DOCK8: variants seen among roughly 807,000 people sequenced by gnomAD.
The protein encoded by DOCK8 is dedicator of cytokinesis protein 8.
Under a neutral mutation model 245.6 loss-of-function variants are expected in DOCK8, and 141 were observed. That is an observed-to-expected ratio of 0.57 (90% CI 0.50 to 0.66). DOCK8 has a LOEUF of 0.66. DOCK8 is among the 30% of genes least tolerant of loss of function. The pLI is 0.00. For synonymous variants in DOCK8, 1,168 were observed against 970.2 expected, an observed-to-expected ratio of 1.20 and a Z score of -3.79; for missense variants, 2,965 against 2,603.4, an observed-to-expected ratio of 1.14 and a Z score of -3.02.
chr9:322,498 T>C (rs1219286921), intron 7 of DOCK8, among the ~76,000 whole-genome samples: 1 of 149,320 alleles, frequency 6.7e-6, no homozygotes, highest in Admixed American at 6.6e-5. Context: ...CTGTGTAGAC[T>C]TTGGCAAGTT....
At chr9:421,226 G>T (rs528220101) in intron 32 of DOCK8, 148 bp downstream of exon 32, 1 of 1,109,308 alleles carries the variant, frequency 9.0e-7, no homozygotes, top group Admixed American at 2.0e-5. Context: ...GAGTCTGTGT[G>T]TGACATTTGT....
chr9:378,837 C>T (rs1468588379), intron 20 of DOCK8, among the ~76,000 whole-genome samples: 1 of 152,202 alleles, frequency 6.6e-6, no homozygotes, highest in Non-Finnish European at 1.5e-5. Flanking sequence ...AGTGGGGGCA[C>T]AAAAGATGTG....
chr9:331,990 G>A (rs1378567059), intron 9 of DOCK8, among the ~76,000 whole-genome samples: 2 of 152,172 alleles, frequency 1.3e-5, no homozygotes, highest in African/African-American at 4.8e-5. Context: ...TAAAGAAAAT[G>A]AGTTTTCCAC....
chr9:267,380 A>AT (rs1487077975), intron 1 of DOCK8, among the ~76,000 whole-genome samples: 9 of 151,974 alleles, frequency 5.9e-5, no homozygotes, highest in Non-Finnish European at 8.8e-5. Context: ...TAATTTTTGT[A>AT]TTTTTTGTAG....
At chr9:450,459 T>A (rs1259548638) in intron 45 of DOCK8, among the ~76,000 whole-genome samples, 1 of 152,136 alleles carries the variant, frequency 6.6e-6, no homozygotes, top group Non-Finnish European at 1.5e-5. Flanking sequence ...CTATCAGACT[T>A]CTTAGAACGC....
At chr9:419,009 T>C (rs1280748165) in intron 30 of DOCK8, among the ~76,000 whole-genome samples, 1 of 152,290 alleles carries the variant, frequency 6.6e-6, no homozygotes, top group African/African-American at 2.4e-5. Flanking sequence ...TTGCATGGAC[T>C]CTGTGGGCTC....
intron 24 of DOCK8, among the ~76,000 whole-genome samples, chr9:394,321 T>C (rs2054341804): frequency 6.6e-6 from 1 of 152,164 alleles, no homozygotes; most frequent in Non-Finnish European, 1.5e-5. Flanking sequence ...AGCCAGAACT[T>C]TGCAAGGAAA....
intron 5 of DOCK8, among the ~76,000 whole-genome samples, chr9:310,138 G>T (rs781485227): frequency 2.6e-4 from 40 of 152,030 alleles, no homozygotes; most frequent in African/African-American, 9.4e-4. Context: ...GTGGTGGCGC[G>T]TGCCTGTAAT....
rs149873367 is a variant in DOCK8 at position 228,590 on chromosome 9, C to T, written c.53+13561C>T. 1.1e-3 allele frequency among the ~76,000 whole-genome samples: 161 copies of T among 152,238 alleles called. 1 individual carries two copies. Among genetic ancestry groups the T allele is most frequent in the African/African-American group, 3.6e-3 (151 of 41,538 alleles). On this transcript the variant is annotated intron_variant, in intron 1 of 47. Transcript: ENST00000432829. ...GCCTCCCCAACATTTTTCAGGGGAG[C>T]ATGGCCCTACTCGCACTTTGAGTTC...
intron 6 of DOCK8, among the ~76,000 whole-genome samples, chr9:316,109 A>G (rs1194733693): frequency 6.6e-6 from 1 of 152,142 alleles, no homozygotes; most frequent in Non-Finnish European, 1.5e-5. Flanking sequence ...GTGGGTACAT[A>G]TTTACCAGGA....
intron 39 of DOCK8, among the ~76,000 whole-genome samples, chr9:435,611 A>C (rs1377272938): frequency 6.6e-6 from 1 of 152,172 alleles, no homozygotes; most frequent in Non-Finnish European, 1.5e-5. Flanking sequence ...CCACTCTCCA[A>C]TCCAAAAATC....
intron 33 of DOCK8, among the ~76,000 whole-genome samples, chr9:426,384 G>A (rs915643173): frequency 6.6e-6 from 1 of 152,140 alleles, no homozygotes; most frequent in East Asian, 1.9e-4. Context: ...AAGTTAAGAG[G>A]CTGACTCTCC....
At chr9:374,136 A>G (rs1282498549) in intron 18 of DOCK8, among the ~76,000 whole-genome samples, 1 of 152,244 alleles carries the variant, frequency 6.6e-6, no homozygotes, top group Non-Finnish European at 1.5e-5. Flanking sequence ...AACAAACTCA[A>G]TTCCTAAGTA....
intron 1 of DOCK8, 49 bp from the exon 2 acceptor site, chr9:271,578 G>A (rs1260731568): frequency 2.2e-6 from 3 of 1,375,866 alleles, no homozygotes; most frequent in East Asian, 5.0e-5. Context: ...AAATTGTGAT[G>A]ATTTCCTAAA....
chr9:355,766 C>A (rs1287657946), intron 14 of DOCK8, among the ~76,000 whole-genome samples: 1 of 152,158 alleles, frequency 6.6e-6, no homozygotes, highest in Non-Finnish European at 1.5e-5. Flanking sequence ...AGCACCCCAG[C>A]ACCTTGTACA....
chr9:296,146 C>T (rs1057440463), intron 4 of DOCK8, among the ~76,000 whole-genome samples: 7 of 152,132 alleles, frequency 4.6e-5, no homozygotes, highest in Non-Finnish European at 1.0e-4. Context: ...CTCCCCATGA[C>T]TTTTGAAAAT....
At chr9:448,662 T>C (rs2057337991) in intron 44 of DOCK8, among the ~76,000 whole-genome samples, 2 of 152,186 alleles carry the variant, frequency 1.3e-5, no homozygotes. Flanking sequence ...CTGTGTCTCT[T>C]CACATCATCT....
At chr9:373,879 T>G (rs961640292) in intron 18 of DOCK8, among the ~76,000 whole-genome samples, 7 of 152,184 alleles carry the variant, frequency 4.6e-5, no homozygotes, top group Admixed American at 4.6e-4. Flanking sequence ...CAAAACCACC[T>G]TCTTATCATC....
At chr9:366,892 G>A (rs941167183) in intron 14 of DOCK8, among the ~76,000 whole-genome samples, 91 of 152,294 alleles carry the variant, frequency 6.0e-4, no homozygotes, top group African/African-American at 2.2e-3. Flanking sequence ...CCTGAGAGAT[G>A]TCAGGATAGC....
Sources: allele counts gnomAD v4.1 joint callset (sites outside exome capture counted in the v4.1 genomes callset), GRCh38; gene constraint gnomAD v4.1.1; transcripts MANE v1.5; gene names NCBI Gene and HGNC (gene_info 2026-07-23, HGNC 2026-07-21).